Variants in DOCK8 observed in about 807,000 individuals in gnomAD.
DOCK8 encodes the protein dedicator of cytokinesis protein 8.
In DOCK8, 141 loss-of-function variants were observed where a neutral mutation model predicts 245.6. The ratio of observed to expected loss-of-function variants is 0.57; its 90% CI spans 0.50 to 0.66. The LOEUF (loss-of-function observed/expected upper bound fraction) is 0.66, where lower values mean the gene tolerates loss of function less well. Ranked by LOEUF, DOCK8 falls within the 30% of genes least tolerant of loss-of-function variation. DOCK8 has a pLI of 0.00. For synonymous variants in DOCK8, 1,168 were observed against 970.2 expected (o/e 1.20, Z -3.79); for missense variants, 2,965 against 2,603.4 (o/e 1.14, Z -3.02).
At chr9:400,109 CCACCACCACCAGCAT>C (rs2054740795) in intron 26 of DOCK8, among the ~76,000 whole-genome samples, 4 of 102,454 alleles carry the variant, frequency 3.9e-5, no homozygotes, top group Non-Finnish European at 5.6e-5. Context: ...ACCACCACCT[CCACCACCACCAGCAT>C]CTTCACCATC....
At chr9:260,241 T>C (rs527358683) in intron 1 of DOCK8, among the ~76,000 whole-genome samples, 1 of 152,268 alleles carries the variant, frequency 6.6e-6, no homozygotes, top group South Asian at 2.1e-4. Flanking sequence ...CAAATGAAAT[T>C]TTCAGCTCAC....
intron 1 of DOCK8, among the ~76,000 whole-genome samples, chr9:224,010 C>T (rs962110426): frequency 3.3e-5 from 5 of 152,102 alleles, no homozygotes; most frequent in Non-Finnish European, 5.9e-5. Context: ...TTAAAGATAA[C>T]ATATAGCCGT....
At chr9:425,391 G>A (rs1370416428) in intron 33 of DOCK8, among the ~76,000 whole-genome samples, 2 of 152,008 alleles carry the variant, frequency 1.3e-5, no homozygotes, top group African/African-American at 4.8e-5. Flanking sequence ...AAGTAGCCGG[G>A]CGCGGTGGCG....
intron 1 of DOCK8, among the ~76,000 whole-genome samples, chr9:228,824 A>G (rs978538754): frequency 1.3e-5 from 2 of 152,304 alleles, no homozygotes; most frequent in African/African-American, 4.8e-5. Context: ...GTCTTCCTGT[A>G]GACATTCACA....
At chr9:323,971 G>C (rs902414338) in intron 7 of DOCK8, among the ~76,000 whole-genome samples, 8 of 152,168 alleles carry the variant, frequency 5.3e-5, no homozygotes, top group Non-Finnish European at 7.3e-5. Context: ...GCTGCTACTT[G>C]GCATTGTTTT....
At position 414,892 on chromosome 9, in the gene DOCK8, T is replaced by G; in HGVS notation, c.3641T>G (p.Leu1214Arg). ...GAGGTGAAGGTCAAAATCGCCGCCC[T>G]TTACCTACCTTTAGTTGGCATCATT... ...KPEVKVKIAA[L>R]YLPLVGIILD... The change falls in exon 29 of 48, where the codon CTT (leucine) becomes CGT (arginine). Residue 1214 changes from leucine to arginine, a missense_variant. By Grantham distance (102) the Leu-to-Arg change is moderately radical. Around this residue, in one of 3 missense-constraint regions of DOCK8, gnomAD observed 2,825 missense variants for 2,453.5 expected, o/e 1.15. Coordinates refer to ENST00000432829, the MANE Select transcript of DOCK8 (RefSeq NM_203447.4). The G allele has an allele frequency of 6.2e-7, 1 of 1,614,198 alleles. No individual in the cohort carries two copies. The highest frequency in any genetic ancestry group is 1.1e-5 in the South Asian group (1 of 91,082).
chr9:429,766 A>C lies in DOCK8; in HGVS notation c.4538A>C (p.His1513Pro), dbSNP rs1587011330. 1.2e-6 allele frequency: 2 copies of C among 1,614,170 alleles called. No individual in the cohort carries two copies. The highest frequency in any genetic ancestry group is 1.7e-6 in the Non-Finnish European group (2 of 1,180,036). Residue 1513 changes from histidine to proline, a missense_variant, in exon 36 of 48, where the codon CAC becomes CCC. His to Pro is a moderately conservative substitution (Grantham distance 77). Around this residue, in one of 3 missense-constraint regions of DOCK8, gnomAD observed 2,825 missense variants for 2,453.5 expected, o/e 1.15. Transcript: ENST00000432829. ...QCFDLCHQVL[H>P]HCSSSMDVTR... ...TTCGACCTATGTCACCAAGTCCTGC[A>C]CCACTGCAGCAGCAGCATGGATGTC...
rs140389594 is a variant in DOCK8 at position 241,159 on chromosome 9, A to G, written c.53+26130A>G. On this transcript the variant is annotated intron_variant, in intron 1 of 47. Coordinates refer to ENST00000432829, the MANE Select transcript of DOCK8 (RefSeq NM_203447.4). ...GGTACATAGTGATGTTTTGGTACAT[A>G]TAATTATAGTGATCAGATCAGGACA... Among the ~76,000 whole-genome samples, 12 of 152,280 alleles carry G rather than the reference A, an allele frequency of 7.9e-5. No individual in the cohort carries two copies. The East Asian group carries it at 1.4e-3, about 17-fold the overall frequency.
chr9:391,816 T>TG (rs1307035710), intron 24 of DOCK8, among the ~76,000 whole-genome samples: 2 of 144,726 alleles, frequency 1.4e-5, no homozygotes, highest in Non-Finnish European at 3.0e-5. Flanking sequence ...TCCCATTAAG[T>TG]GAATCTTTTT....
chr9:412,233 A>G (rs1192478467), intron 28 of DOCK8, among the ~76,000 whole-genome samples: 1 of 152,174 alleles, frequency 6.6e-6, no homozygotes, highest in African/African-American at 2.4e-5. Flanking sequence ...GCAAAACGCC[A>G]TCTCTACAAG....
intron 25 of DOCK8, among the ~76,000 whole-genome samples, chr9:398,735 C>T (rs946974367): frequency 3.3e-5 from 5 of 150,940 alleles, no homozygotes; most frequent in African/African-American, 1.2e-4. Flanking sequence ...TGTAATAATC[C>T]TTAAAAATTA....
At chr9:316,994 C>T (rs547555892) in intron 6 of DOCK8, 49 bp from the exon 7 acceptor site, 5 of 1,429,962 alleles carry the variant, frequency 3.5e-6, no homozygotes, top group East Asian at 4.5e-5. Flanking sequence ...CTAATTGGAG[C>T]TCCCCACAGA....
At chr9:452,293 C>T (rs954817231) in intron 46 of DOCK8, among the ~76,000 whole-genome samples, 176 bp downstream of exon 46, 6 of 152,098 alleles carry the variant, frequency 3.9e-5, no homozygotes, top group South Asian at 4.1e-4. Flanking sequence ...CAGTTTAACC[C>T]GCCCTCCAGG....
Position 369,806 on chromosome 9 carries a change from T to A in DOCK8, c.1798-424T>A, listed in dbSNP as rs557340220. On this transcript the variant is annotated intron_variant, in intron 15 of 47. Coordinates refer to ENST00000432829, the MANE Select transcript of DOCK8 (RefSeq NM_203447.4). ...CTTGGGCCAGTTGTAGTCCCAGCAC[T>A]TTTTTTTTTCTTTTTGAGACAGGAT... 8.3e-5 allele frequency: 18 copies of A among 217,840 alleles called. No individual in the cohort carries two copies. In the East Asian group the frequency reaches 1.7e-3, roughly 21 times the overall value. The allele number at this position is 217,840 out of a possible 1,614,324, so 13.5% of individuals were successfully genotyped here. A position where few individuals can be genotyped will look rare whatever the true frequency, so the allele number is the denominator to read the frequency against.
intron 28 of DOCK8, among the ~76,000 whole-genome samples, chr9:413,198 G>A (rs2055826864): frequency 6.6e-6 from 1 of 152,080 alleles, no homozygotes; most frequent in African/African-American, 2.4e-5. Flanking sequence ...GGACAACTGG[G>A]TATCCACACT....
At chr9:420,222 T>C in intron 30 of DOCK8, 179 bp from the exon 31 acceptor site, 1 of 708,854 alleles carries the variant, frequency 1.4e-6, no homozygotes. Flanking sequence ...AGAACACAGC[T>C]TCCCCTGCCT....
chr9:285,095 TA>T lies in DOCK8; in HGVS notation c.157-1356del, dbSNP rs531054315. On this transcript the variant is annotated intron_variant, in intron 2 of 47. Coordinates refer to ENST00000432829, the MANE Select transcript of DOCK8 (RefSeq NM_203447.4). Reference sequence around the variant, plus strand: ...CACATGTACCCCCAAACCTAAAAGTTAAAAAAAAAATCCCAGACAGGAAGTA... The same window carrying T: ...CACATGTACCCCCAAACCTAAAAGTTAAAAAAAAATCCCAGACAGGAAGTA... Among the ~76,000 whole-genome samples the T allele has an allele frequency of 4.4e-3, 660 of 149,738 alleles. 6 individuals are homozygous for T. The highest frequency in any genetic ancestry group is 0.015 in the African/African-American group (596 of 40,910).
intron 1 of DOCK8, among the ~76,000 whole-genome samples, chr9:259,412 A>G (rs1238327283): frequency 1.3e-5 from 2 of 152,232 alleles, no homozygotes; most frequent in Non-Finnish European, 2.9e-5. Context: ...TTTTCAAATA[A>G]TGTACTTAGA....
chr9:300,088 T>C (rs1038858002), intron 4 of DOCK8, among the ~76,000 whole-genome samples: 3 of 152,118 alleles, frequency 2.0e-5, no homozygotes, highest in East Asian at 1.9e-4. Flanking sequence ...GCTAGTCTTA[T>C]CTCTTTTCTA....
Sources: allele counts gnomAD v4.1 joint callset (sites outside exome capture counted in the v4.1 genomes callset), GRCh38; gene constraint gnomAD v4.1.1; regional missense constraint gnomAD v4.1.1; transcripts MANE v1.5; gene names NCBI Gene and HGNC (gene_info 2026-07-23, HGNC 2026-07-21).